Variants in RSU1 observed in about 807,000 individuals in gnomAD.
RSU1 encodes Ras suppressor protein 1, also known as rsu-1.
RSU1 carries 26 observed loss-of-function variants against 31.1 expected under a neutral mutation model. The observed-to-expected ratio is 0.84, with a 90% confidence interval of 0.61 to 1.16. The LOEUF (loss-of-function observed/expected upper bound fraction) is 1.16, where lower values mean the gene tolerates loss of function less well. Ranked by LOEUF, RSU1 falls within the 50% of genes most tolerant of loss-of-function variation. The probability of loss-of-function intolerance (pLI) is 0.00; values close to 1 mark genes in which losing one functional copy is unlikely to be tolerated. For synonymous variants in RSU1, 164 were observed against 136.3 expected, an observed-to-expected ratio of 1.20 and a Z score of -1.41; for missense variants, 320 against 339.1, an observed-to-expected ratio of 0.94 and a Z score of 0.44.
At chr10:16,654,361 CAAAAAA>C (rs536600415) in intron 8 of RSU1, among the ~76,000 whole-genome samples, 10 of 92,286 alleles carry the variant, frequency 1.1e-4, no homozygotes, top group Admixed American at 7.3e-4. Flanking sequence ...CCTAAATTTG[CAAAAAA>C]AAAAAAAAAA....
At chr10:16,762,433 C>T (rs968283299) in intron 4 of RSU1, among the ~76,000 whole-genome samples, 2 of 151,610 alleles carry the variant, frequency 1.3e-5, no homozygotes, top group African/African-American at 2.4e-5. Context: ...GATAGAATAG[C>T]CTGTAAAACC....
intron 7 of RSU1, among the ~76,000 whole-genome samples, chr10:16,716,413 A>C (rs1836141129): frequency 6.6e-6 from 1 of 152,192 alleles, no homozygotes. Context: ...TTCACAATGT[A>C]CATGGCTGAT....
At chr10:16,798,858 T>C (rs1445813645) in intron 2 of RSU1, among the ~76,000 whole-genome samples, 1 of 152,150 alleles carries the variant, frequency 6.6e-6, no homozygotes, top group Non-Finnish European at 1.5e-5. Flanking sequence ...GAGTAACACA[T>C]CGACAACACT....
At chr10:16,741,825 A>G (rs1432418325) in intron 7 of RSU1, among the ~76,000 whole-genome samples, 1 of 152,186 alleles carries the variant, frequency 6.6e-6, no homozygotes, top group African/African-American at 2.4e-5. Flanking sequence ...GTGAGAGATG[A>G]GGGTGGCTTA....
chr10:16,624,432 C>T (rs1834121660), intron 8 of RSU1, among the ~76,000 whole-genome samples: 1 of 152,048 alleles, frequency 6.6e-6, no homozygotes, highest in Non-Finnish European at 1.5e-5. Flanking sequence ...CAGTTCTAGC[C>T]ATCCCAACTA....
intron 2 of RSU1, among the ~76,000 whole-genome samples, chr10:16,808,250 G>C (rs1232518247): frequency 6.6e-6 from 1 of 151,972 alleles, no homozygotes; most frequent in Non-Finnish European, 1.5e-5. Flanking sequence ...GGCGAAGGCA[G>C]GTGGATCACC....
In RSU1 at chr10:16,697,987, C is replaced by CTT. The variant is rs67816326; in HGVS notation, c.599-2834_599-2833dup. Among the ~76,000 whole-genome samples, 666 of 99,388 alleles carry CTT rather than the reference C, an allele frequency of 6.7e-3. 33 individuals carry two copies. Among genetic ancestry groups the CTT allele is most frequent in the African/African-American group, 0.018 (362 of 20,202 alleles). 65.2% of individuals were successfully genotyped at this position (99,388 alleles called of 152,430 possible). A position where few individuals can be genotyped will look rare whatever the true frequency, so the allele number is the denominator to read the frequency against. ...CAGAGGGGTGATTGCAGGAACACAC[C>CTT]TTTTTTTTTTTTTTTTTTTTTTTTT... On this transcript the variant is annotated intron_variant, in intron 7 of 8. Coordinates refer to ENST00000345264, the MANE Select transcript of RSU1 (RefSeq NM_012425.4).
chr10:16,606,147 G>A (rs191297803), intron 8 of RSU1, among the ~76,000 whole-genome samples: 19 of 152,120 alleles, frequency 1.2e-4, no homozygotes, highest in East Asian at 3.9e-4. Context: ...GTCCTCTTGC[G>A]GACACTTTTG....
chr10:16,782,901 T>G (rs542594463), intron 2 of RSU1, among the ~76,000 whole-genome samples: 3 of 147,546 alleles, frequency 2.0e-5, no homozygotes, highest in African/African-American at 7.7e-5. Context: ...TGTGTATGTG[T>G]AAATTTTTCC....
At chr10:16,594,219 C>A (rs1010326893) in intron 8 of RSU1, among the ~76,000 whole-genome samples, 2 of 152,138 alleles carry the variant, frequency 1.3e-5, no homozygotes, top group Admixed American at 1.3e-4. Context: ...TCCAAGAGAG[C>A]CTGGTGGGTG....
chr10:16,755,825 T>C (rs1190927032), intron 4 of RSU1, among the ~76,000 whole-genome samples: 1 of 152,206 alleles, frequency 6.6e-6, no homozygotes, highest in African/African-American at 2.4e-5. Flanking sequence ...ATTCCACATA[T>C]AAGTGAGAAG....
chr10:16,650,421 C>A (rs967079589), intron 8 of RSU1, among the ~76,000 whole-genome samples: 8 of 152,060 alleles, frequency 5.3e-5, no homozygotes, highest in Non-Finnish European at 1.0e-4. Context: ...AGTAGGTCCT[C>A]CATAAATGTT....
rs371988536 is a variant in RSU1, at chr10:16,788,476, C to T, written c.110-6392G>A. On this transcript the variant is annotated intron_variant, in intron 2 of 8. Transcript: ENST00000345264. Reference sequence around the variant, plus strand: ...ACATGTGAGACACGATCTCTTTCTCCACTGGGTGAGGATACAAGAAGGTGG... The same window carrying T: ...ACATGTGAGACACGATCTCTTTCTCTACTGGGTGAGGATACAAGAAGGTGG... 2.0e-5 allele frequency among the ~76,000 whole-genome samples: 3 copies of T among 152,258 alleles called. No individual in the cohort carries two copies. In the South Asian group the frequency reaches 6.2e-4, roughly 32 times the overall value.
chr10:16,745,545 A>G (rs1836834466), intron 7 of RSU1, among the ~76,000 whole-genome samples: 1 of 152,174 alleles, frequency 6.6e-6, no homozygotes, highest in South Asian at 2.1e-4. Context: ...AGGAGCCACA[A>G]GAGAGGGCTT....
At chr10:16,607,184 G>A (rs554932942) in intron 8 of RSU1, among the ~76,000 whole-genome samples, 72 of 152,238 alleles carry the variant, frequency 4.7e-4, no homozygotes, top group Admixed American at 1.9e-3. Context: ...GTGCTCTTTC[G>A]TTCTGGCTCT....
rs546414447 is a variant in RSU1 at position 16,759,455 on chromosome 10, G to A, written c.282-4466C>T. On this transcript the variant is annotated intron_variant, in intron 4 of 8. Transcript: ENST00000345264. ...CCAGGAGGCATAGGTTGCAGTGAGC[G>A]GAGAGCATGCCACTGCACTCCAGCC... Among the ~76,000 whole-genome samples, 10 of 152,192 alleles carry A rather than the reference G, an allele frequency of 6.6e-5. No individual in the cohort carries two copies. The East Asian group carries it at 7.7e-4, about 12-fold the overall frequency.
rs550289911 is a variant in RSU1, at chr10:16,778,748, C to T, written c.160+3286G>A. Among the ~76,000 whole-genome samples, 4 of 151,996 alleles carry T rather than the reference C, an allele frequency of 2.6e-5. No individual in the cohort carries two copies. In the South Asian group the frequency reaches 6.2e-4, roughly 24 times the overall value. On this transcript the variant is annotated intron_variant, in intron 3 of 8. Transcript: ENST00000345264. ...GATCCTGGGCCCAGAGGCAGGGCTA[C>T]GGGGGGACAGAAGATGATCCATCTT...
chr10:16,708,953 T>C, intron 7 of RSU1, among the ~76,000 whole-genome samples: 1 of 145,618 alleles, frequency 6.9e-6, no homozygotes, highest in East Asian at 2.1e-4. Flanking sequence ...CCATAACTAC[T>C]GAATTCATTT....
chr10:16,722,289 T>C (rs1015790526), intron 7 of RSU1, among the ~76,000 whole-genome samples: 1 of 152,158 alleles, frequency 6.6e-6, no homozygotes, highest in Non-Finnish European at 1.5e-5. Flanking sequence ...CTGGGGGTCT[T>C]GGAACATATC....
Sources: allele counts gnomAD v4.1 joint callset (sites outside exome capture counted in the v4.1 genomes callset), GRCh38; gene constraint gnomAD v4.1.1; transcripts MANE v1.5; gene names NCBI Gene and HGNC (gene_info 2026-07-23, HGNC 2026-07-21).